The following PRRC2C variants were observed in gnomAD, a reference collection of about 807,000 sequenced individuals.
PRRC2C encodes proline rich coiled-coil 2C.
In PRRC2C, 72 loss-of-function variants were observed where a neutral mutation model predicts 317.2. The observed-to-expected ratio is 0.23, with a 90% CI of 0.19 to 0.28. The LOEUF is 0.28. Among genes scored for constraint, PRRC2C ranks in the 10% least tolerant of loss-of-function variants. PRRC2C has a pLI of 1.00. For synonymous variants in PRRC2C, 1,296 were observed against 1,205.9 expected, an observed-to-expected ratio of 1.07 and a Z score of -1.55; for missense variants, 3,074 against 3,459.7, an observed-to-expected ratio of 0.89 and a Z score of 2.80.
chr1:171,559,805 G>A (rs1048172647), intron 19 of PRRC2C, among the ~76,000 whole-genome samples: 1 of 152,122 alleles, frequency 6.6e-6, no homozygotes, highest in African/African-American at 2.4e-5. Context: ...ACAGGTGTGA[G>A]CCACCATGCC....
chr1:171,532,202 C>T (rs1317855591), intron 11 of PRRC2C, 141 bp from the exon 12 acceptor site: 9 of 851,718 alleles, frequency 1.1e-5, no homozygotes, highest in Non-Finnish European at 1.4e-5. Context: ...TATTTCCCAT[C>T]TTATGTGTTT....
At chr1:171,512,530 T>A (rs1179014823) in intron 2 of PRRC2C, 4 of 281,666 alleles carry the variant, frequency 1.4e-5, no homozygotes, top group Non-Finnish European at 2.8e-5. Flanking sequence ...AGTATCTTTT[T>A]AATTATAGAC....
chr1:171,565,788 G>C (rs1683537960), intron 20 of PRRC2C, among the ~76,000 whole-genome samples: 1 of 152,166 alleles, frequency 6.6e-6, no homozygotes. Context: ...TTAGATGTTT[G>C]CTCTATGTTA....
intron 15 of PRRC2C, among the ~76,000 whole-genome samples, chr1:171,539,079 G>A (rs955859921): frequency 2.0e-5 from 3 of 151,410 alleles, no homozygotes; most frequent in Non-Finnish European, 2.9e-5. Flanking sequence ...TCAGCTCACC[G>A]CAACCTCCGC....
intron 18 of PRRC2C, among the ~76,000 whole-genome samples, chr1:171,555,159 TTCTTTTTAC>T (rs1271628963): frequency 6.6e-6 from 1 of 152,180 alleles, no homozygotes; most frequent in Non-Finnish European, 1.5e-5. Context: ...CTTTGTTCGT[TTCTTTTTAC>T]TCTTTTTTCT....
chr1:171,535,897 C>G lies in PRRC2C; in HGVS notation c.2044-132C>G, dbSNP rs371787973. 1.1e-5 allele frequency: 13 copies of G among 1,220,876 alleles called. No individual in the cohort carries two copies. The East Asian group carries it at 2.3e-4, about 22-fold the overall frequency. The allele number at this position is 1,220,876 out of a possible 1,614,324, so 75.6% of individuals were successfully genotyped here. A position where few individuals can be genotyped will look rare whatever the true frequency, so the allele number is the denominator to read the frequency against. ...AGTTTTTTGTCTTGCCAACTCTTAACTGTTAAATACCTTTTGAACTCTTAC... is the reference window on the plus strand; with the variant it reads ...AGTTTTTTGTCTTGCCAACTCTTAAGTGTTAAATACCTTTTGAACTCTTAC... On this transcript the variant is annotated intron_variant, in intron 13 of 34. Coordinates refer to ENST00000647382, the MANE Select transcript of PRRC2C (RefSeq NM_001387844.1).
At chr1:171,523,410 G>A (rs753798650) in intron 8 of PRRC2C, 25 bp from the exon 9 acceptor site, 1 of 1,613,516 alleles carries the variant, frequency 6.2e-7, no homozygotes, top group African/African-American at 1.3e-5. Flanking sequence ...CAAGCAGCCA[G>A]TCTGAGTTTT....
In PRRC2C at chr1:171,557,725, A is replaced by G. The variant is rs946579418; in HGVS notation, c.5613A>G (p.Ala1871=). ...TTCCCATTCTTGCTTCAGCCCTAGC[A>G]TCAACTTCAGCTCCAACGCCAGCCC... ...ASIPILASAL[A]STSAPTPAPA... The change falls in exon 19 of 35, where the codon GCA becomes GCG. Residue 1871 remains alanine (A), a synonymous_variant. Transcript: ENST00000647382. 1.9e-6 allele frequency: 3 copies of G among 1,551,142 alleles called. No homozygotes were observed. The highest frequency in any genetic ancestry group is 3.9e-5 in the Admixed American group (2 of 50,920).
At chr1:171,571,490 C>T (rs1553242674) in intron 24 of PRRC2C, 69 bp downstream of exon 24, 6 of 1,172,686 alleles carry the variant, frequency 5.1e-6, no homozygotes, top group South Asian at 2.6e-5. Flanking sequence ...TAACAATATT[C>T]GTGGGGTATT....
chr1:171,541,442 A>G lies in PRRC2C; in HGVS notation c.3976A>G (p.Arg1326Gly). Residue 1326 changes from arginine to glycine, a missense_variant, in exon 16 of 35, where the codon AGG becomes GGG. Physicochemically the swap from Arg to Gly is moderately radical, Grantham distance 125 (BLOSUM62 -2). Around this residue, in one of 11 missense-constraint regions of PRRC2C, gnomAD observed 1,320 missense variants for 1,395.7 expected, o/e 0.95. Coordinates refer to ENST00000647382, the MANE Select transcript of PRRC2C (RefSeq NM_001387844.1). The surrounding 1 kb of genome is among the most constrained non-coding windows in gnomAD (Gnocchi z 4.1). ...TAGACTGCTAGAAAAGCCTTATGTA[A>G]GGGATGACGATAAAGCTAAACCAGG... The part of the protein sequence containing the change: ...DNRLLEKPYV[R>G]DDDKAKPGFL... 6.2e-7 allele frequency: 1 copy of G among 1,613,888 alleles called. No homozygotes were observed. The highest frequency in any genetic ancestry group is 1.1e-5 in the South Asian group (1 of 91,076).
At chr1:171,548,462 C>T (rs1679582903) in intron 17 of PRRC2C, among the ~76,000 whole-genome samples, 1 of 152,142 alleles carries the variant, frequency 6.6e-6, no homozygotes, top group Non-Finnish European at 1.5e-5. Context: ...TTATCACCAT[C>T]CTGAATTGTA....
chr1:171,524,431 G>A lies in PRRC2C; in HGVS notation c.1056-390G>A, dbSNP rs539655880. Among the ~76,000 whole-genome samples, 13 of 152,198 alleles carry A rather than the reference G, an allele frequency of 8.5e-5. No individual in the cohort carries two copies. The South Asian group carries it at 1.0e-3, about 12-fold the overall frequency. ...GTTTAAGAGATACCTGTGGTTTGTC[G>A]TGGCTTTGAAAAAATACTGTAGTTT... On this transcript the variant is annotated intron_variant, in intron 9 of 34. Transcript: ENST00000647382.
intron 1 of PRRC2C, among the ~76,000 whole-genome samples, chr1:171,505,190 G>C (rs4916391): frequency 0.81 from 122,459 of 152,016 alleles, 49,442 homozygotes; most frequent in Middle Eastern, 0.9. Flanking sequence ...ACCACACCCG[G>C]CTAATTTTTG....
intron 21 of PRRC2C, 38 bp downstream of exon 21, chr1:171,566,459 G>T (rs751011705): frequency 1.1e-5 from 16 of 1,519,880 alleles, no homozygotes; most frequent in Non-Finnish European, 2.7e-6. Flanking sequence ...ATTTTATGAA[G>T]GCCACTGACA....
intron 5 of PRRC2C, among the ~76,000 whole-genome samples, chr1:171,517,283 T>C (rs1305094585): frequency 6.6e-6 from 1 of 152,140 alleles, no homozygotes; most frequent in African/African-American, 2.4e-5. Flanking sequence ...AACATGGCCA[T>C]CTGATATATG....
At chr1:171,587,267 G>A (rs1558059229) in intron 31 of PRRC2C, 46 bp downstream of exon 31, 1 of 1,507,660 alleles carries the variant, frequency 6.6e-7, no homozygotes, top group Admixed American at 2.0e-5. Context: ...ATTTAAGGTA[G>A]TGTGTTCAGA....
At position 171,584,446 on chromosome 1, in the gene PRRC2C, A is replaced by G; in HGVS notation, c.7669A>G (p.Asn2557Asp). The G allele has an allele frequency of 6.3e-7, 1 of 1,586,624 alleles. No individual in the cohort carries two copies. The highest frequency in any genetic ancestry group is 8.6e-7 in the Non-Finnish European group (1 of 1,166,222). ...CAGAGCAAATCTTACCCAGGCCTCA[A>G]ATCTTTATTCTGGACAAGTACAACA... ...QARANLTQAS[N>D]LYSGQVQQPG... Residue 2557 changes from asparagine to aspartate, a missense_variant, in exon 30 of 35, where the codon AAT becomes GAT. This residue lies in a region of PRRC2C where 490 missense variants were observed against 663.1 expected (regional missense o/e 0.74). Coordinates refer to ENST00000647382, the MANE Select transcript of PRRC2C (RefSeq NM_001387844.1).
intron 18 of PRRC2C, among the ~76,000 whole-genome samples, chr1:171,556,260 C>G (rs529858327): frequency 6.6e-6 from 1 of 152,170 alleles, no homozygotes; most frequent in Non-Finnish European, 1.5e-5. Flanking sequence ...CCTGGTGTGC[C>G]GTTTGCTAAG....
intron 1 of PRRC2C, among the ~76,000 whole-genome samples, chr1:171,502,245 A>C (rs76237457): frequency 3.8e-4 from 58 of 152,208 alleles, no homozygotes; most frequent in African/African-American, 1.3e-3. Context: ...TTTGCTTTTC[A>C]GTGGTTCTCA....
Sources: allele counts gnomAD v4.1 joint callset (sites outside exome capture counted in the v4.1 genomes callset), GRCh38; gene constraint gnomAD v4.1.1; regional missense constraint gnomAD v4.1.1; non-coding constraint Gnocchi (gnomAD v3.1); transcripts MANE v1.5; gene names NCBI Gene and HGNC (gene_info 2026-07-23, HGNC 2026-07-21).